LARGE1: variants seen among roughly 807,000 people sequenced by gnomAD.
LARGE1 encodes xylosyl- and glucuronyltransferase LARGE1.
In LARGE1, 43 loss-of-function variants were observed where a neutral mutation model predicts 87.6. The observed-to-expected ratio is 0.49, with a 90% CI of 0.38 to 0.63. The LOEUF (loss-of-function observed/expected upper bound fraction) is 0.63. Ranked by LOEUF, LARGE1 falls within the 30% of genes least tolerant of loss-of-function variation. LARGE1 has a pLI of 0.00. For missense variants in LARGE1, 802 were observed against 1,000.2 expected, an observed-to-expected ratio of 0.80 and a Z score of 2.67; for synonymous variants, 434 against 394.6, an observed-to-expected ratio of 1.10 and a Z score of -1.18.
chr22:33,744,037 C>CCA (rs1296595558), intron 2 of LARGE1: 9 of 152,180 alleles, frequency 5.9e-5, no homozygotes, highest in African/African-American at 2.2e-4. Flanking sequence ...AGTCCAAGTG[C>CCA]GTGCAAATTA....
intron 6 of LARGE1, among the ~76,000 whole-genome samples, chr22:33,453,483 G>A (rs1195906506): frequency 6.6e-6 from 1 of 152,096 alleles, no homozygotes; most frequent in Non-Finnish European, 1.5e-5. Flanking sequence ...TGATCTCCCA[G>A]GGAGTGACCA....
chr22:33,434,001 T>G (rs1193488824), intron 6 of LARGE1, among the ~76,000 whole-genome samples: 3 of 152,240 alleles, frequency 2.0e-5, no homozygotes, highest in Non-Finnish European at 4.4e-5. Context: ...ACTTTGTCAT[T>G]GTATATGATG....
intron 11 of LARGE1, among the ~76,000 whole-genome samples, chr22:33,308,319 C>T (rs1569038020): frequency 6.6e-6 from 1 of 152,186 alleles, no homozygotes; most frequent in Non-Finnish European, 1.5e-5. Context: ...ATCTGGTGCA[C>T]TGCCCATGAG....
intron 1 of LARGE1, among the ~76,000 whole-genome samples, chr22:33,916,735 C>T (rs1046720790): frequency 2.0e-5 from 3 of 152,164 alleles, no homozygotes; most frequent in African/African-American, 7.2e-5. Context: ...GTTCACGGAC[C>T]GTAAGGAAGG....
In LARGE1 at chr22:33,274,005, CT is replaced by C; in HGVS notation, c.*421del. Reference sequence around the variant, plus strand: ...TTTTCACTTAATAAAGACAATTTCACTTCTATTTCCTGGGACGAATAACCCC... The same window carrying C: ...TTTTCACTTAATAAAGACAATTTCACTCTATTTCCTGGGACGAATAACCCC... On this transcript the variant is annotated 3_prime_UTR_variant, in exon 15 of 15. Transcript: ENST00000397394. The C allele has an allele frequency of 3.0e-6, 1 of 334,568 alleles. No homozygotes were observed. 20.7% of individuals were successfully genotyped at this position (334,568 alleles called of 1,614,324 possible).
At chr22:33,409,460 C>T (rs1356781326) in intron 7 of LARGE1, among the ~76,000 whole-genome samples, 1 of 152,162 alleles carries the variant, frequency 6.6e-6, no homozygotes, top group African/African-American at 2.4e-5. Flanking sequence ...CTTTCTCCAT[C>T]AGGGCACTTC....
chr22:33,313,550 A>G (rs1251886757), intron 11 of LARGE1, among the ~76,000 whole-genome samples: 1 of 152,148 alleles, frequency 6.6e-6, no homozygotes, highest in African/African-American at 2.4e-5. Flanking sequence ...CATTGTGATC[A>G]TGTGATGTTA....
At chr22:33,210,658 A>T (rs1924914962) in intron 11 of LARGE1, among the ~76,000 whole-genome samples, 1 of 152,218 alleles carries the variant, frequency 6.6e-6, no homozygotes, top group Admixed American at 6.5e-5. Flanking sequence ...CTGACCCACC[A>T]TGCCATGCAA....
In LARGE1 at chr22:33,663,009, C is replaced by T. The variant is rs531297356; in HGVS notation, c.107-12341G>A. ...CATTAAAGTTATATTCCAATTCCAACAAGTATCTATATTAGAAAAAGAAAT... is the reference window on the plus strand; with the variant it reads ...CATTAAAGTTATATTCCAATTCCAATAAGTATCTATATTAGAAAAAGAAAT... On this transcript the variant is annotated intron_variant, in intron 2 of 14. Transcript: ENST00000397394. Among the ~76,000 whole-genome samples the T allele has an allele frequency of 3.9e-5, 6 of 152,034 alleles. No homozygotes were observed. The South Asian group carries it at 1.2e-3, about 32-fold the overall frequency.
At chr22:33,576,186 A>G (rs2078347517) in intron 5 of LARGE1, among the ~76,000 whole-genome samples, 1 of 152,212 alleles carries the variant, frequency 6.6e-6, no homozygotes. Flanking sequence ...ACAGTGTCTG[A>G]CACATAGAAG....
chr22:33,693,852 GA>G (rs2082169550), intron 2 of LARGE1, among the ~76,000 whole-genome samples: 1 of 151,982 alleles, frequency 6.6e-6, no homozygotes, highest in South Asian at 2.1e-4. Flanking sequence ...AAAAGAGAGA[GA>G]AAAAAGAAAA....
chr22:33,394,929 T>C (rs968661901), intron 7 of LARGE1, among the ~76,000 whole-genome samples: 1 of 151,924 alleles, frequency 6.6e-6, no homozygotes, highest in Non-Finnish European at 1.5e-5. Context: ...CCAATCATTA[T>C]AAAAGGCCGG....
intron 11 of LARGE1, among the ~76,000 whole-genome samples, chr22:33,236,235 A>C (rs1926244988): frequency 6.6e-6 from 1 of 152,232 alleles, no homozygotes; most frequent in Non-Finnish European, 1.5e-5. Context: ...TTTGCATGAC[A>C]GCCCTAGGAA....
intron 2 of LARGE1, among the ~76,000 whole-genome samples, chr22:33,708,770 T>A (rs1205288130): frequency 3.3e-5 from 5 of 152,112 alleles, no homozygotes; most frequent in African/African-American, 1.2e-4. Flanking sequence ...CAAGCTAATG[T>A]TTGTATTTTT....
intron 6 of LARGE1, among the ~76,000 whole-genome samples, chr22:33,491,393 T>C (rs761383255): frequency 1.3e-5 from 2 of 152,202 alleles, no homozygotes; most frequent in Admixed American, 1.3e-4. Context: ...TATACCCACA[T>C]GCATGGAGGG....
intron 1 of LARGE1, among the ~76,000 whole-genome samples, chr22:33,879,609 T>C (rs962042807): frequency 1.3e-5 from 2 of 152,222 alleles, no homozygotes; most frequent in Non-Finnish European, 2.9e-5. Context: ...ATCGACTTAT[T>C]CTGGCAGGTC....
At chr22:33,285,360 T>A (rs902970230) in intron 12 of LARGE1, among the ~76,000 whole-genome samples, 2 of 152,188 alleles carry the variant, frequency 1.3e-5, no homozygotes, top group Non-Finnish European at 2.9e-5. Flanking sequence ...GCATGGTGGC[T>A]CACGCCTGTA....
rs182800775 is a variant in LARGE1, at chr22:33,498,324, T to C, written c.788-66059A>G. On this transcript the variant is annotated intron_variant, in intron 6 of 14. Transcript: ENST00000397394. ...GATTTCCTTTAGCCTCAAATAACAGTAACAGTCCTTCAGGCAGGGCTGTTC... is the reference window on the plus strand; with the variant it reads ...GATTTCCTTTAGCCTCAAATAACAGCAACAGTCCTTCAGGCAGGGCTGTTC... Among the ~76,000 whole-genome samples the C allele has an allele frequency of 4.6e-5, 7 of 152,348 alleles. No homozygotes were observed. The East Asian group carries it at 1.2e-3, about 25-fold the overall frequency.
At chr22:33,905,408 C>T (rs1292110451) in intron 1 of LARGE1, among the ~76,000 whole-genome samples, 2 of 152,084 alleles carry the variant, frequency 1.3e-5, no homozygotes, top group African/African-American at 2.4e-5. Context: ...ACTGCCGTGC[C>T]TATTTTTAGG....
Sources: allele counts gnomAD v4.1 joint callset (sites outside exome capture counted in the v4.1 genomes callset), GRCh38; gene constraint gnomAD v4.1.1; transcripts MANE v1.5; gene names NCBI Gene and HGNC (gene_info 2026-07-23, HGNC 2026-07-21).